Variants in CNBD1 observed in about 807,000 individuals in gnomAD.
CNBD1 encodes the protein cyclic nucleotide binding domain containing 1, also known as cyclic nucleotide-binding domain-containing protein 1.
CNBD1 carries 71 observed loss-of-function variants against 54.4 expected under a neutral mutation model. That is an observed-to-expected ratio of 1.30 (90% confidence interval 1.08 to 1.59). The LOEUF (loss-of-function observed/expected upper bound fraction) is 1.59, where lower values mean the gene tolerates loss of function less well. Among genes scored for constraint, CNBD1 ranks in the 40% most tolerant of loss-of-function variants. CNBD1 has a pLI of 0.00. For missense variants in CNBD1, 659 were observed against 518.0 expected (o/e 1.27, Z -2.64); for synonymous variants, 182 against 170.7 (o/e 1.07, Z -0.51).
intron 5 of CNBD1, among the ~76,000 whole-genome samples, chr8:87,221,610 A>G (rs896504491): frequency 6.6e-6 from 1 of 152,052 alleles, no homozygotes; most frequent in Admixed American, 6.6e-5. Flanking sequence ...CCAGACCTTC[A>G]TATCATTTTA....
chr8:87,090,336 T>G (rs1339226963), intron 4 of CNBD1, among the ~76,000 whole-genome samples: 1 of 152,170 alleles, frequency 6.6e-6, no homozygotes, highest in African/African-American at 2.4e-5. Context: ...AAAAATAACC[T>G]TCTAAGTTAA....
chr8:86,922,114 A>C (rs1809284164), intron 3 of CNBD1, among the ~76,000 whole-genome samples: 1 of 152,192 alleles, frequency 6.6e-6, no homozygotes, highest in Non-Finnish European at 1.5e-5. Flanking sequence ...TATCTGAGGC[A>C]AAAAGAACCA....
intron 4 of CNBD1, among the ~76,000 whole-genome samples, chr8:86,949,524 T>G (rs759638121): frequency 6.6e-6 from 1 of 152,198 alleles, no homozygotes; most frequent in Non-Finnish European, 1.5e-5. Context: ...GGGATTACTT[T>G]TTTGATTTGT....
Position 87,073,962 on chromosome 8 carries a change from C to A in CNBD1, c.432-132031C>A, listed in dbSNP as rs192726064. 6.9e-3 allele frequency among the ~76,000 whole-genome samples: 1,050 copies of A among 151,992 alleles called. 14 individuals are homozygous for A. The highest frequency in any genetic ancestry group is 0.012 in the Non-Finnish European group (841 of 67,958). ...TAAAAACACAAAAAAATTAGCCAGGCGTGGTGGTGGGCGCCGTAGTCCCAG... is the reference window on the plus strand; with the variant it reads ...TAAAAACACAAAAAAATTAGCCAGGAGTGGTGGTGGGCGCCGTAGTCCCAG... On this transcript the variant is annotated intron_variant, in intron 4 of 10. Coordinates refer to ENST00000518476, the MANE Select transcript of CNBD1 (RefSeq NM_173538.3).
chr8:87,319,092 A>G (rs1363688631), intron 8 of CNBD1, among the ~76,000 whole-genome samples: 1 of 152,096 alleles, frequency 6.6e-6, no homozygotes, highest in Admixed American at 6.6e-5. Context: ...TAAATCAAGG[A>G]AGGAGAGGAT....
At chr8:87,049,761 G>T (rs1203228327) in intron 4 of CNBD1, among the ~76,000 whole-genome samples, 1 of 152,196 alleles carries the variant, frequency 6.6e-6, no homozygotes, top group African/African-American at 2.4e-5. Flanking sequence ...ATTTGAGGAG[G>T]TGATTGTTTG....
At chr8:87,268,226 T>C (rs1323686865) in intron 6 of CNBD1, among the ~76,000 whole-genome samples, 1 of 152,160 alleles carries the variant, frequency 6.6e-6, no homozygotes, top group Non-Finnish European at 1.5e-5. Flanking sequence ...GTTTCTTCAT[T>C]AATTTACTTA....
intron 5 of CNBD1, among the ~76,000 whole-genome samples, chr8:87,224,426 G>T (rs1349503628): frequency 6.6e-6 from 1 of 151,596 alleles, no homozygotes; most frequent in African/African-American, 2.4e-5. Context: ...TGTATAAGGC[G>T]TAAGGAAGGG....
intron 4 of CNBD1, among the ~76,000 whole-genome samples, chr8:87,156,001 C>T (rs181125194): frequency 1.9e-3 from 282 of 151,934 alleles, no homozygotes; most frequent in Middle Eastern, 3.4e-3. Flanking sequence ...GGAAAACAGA[C>T]GGACTAGAAA....
intron 10 of CNBD1, among the ~76,000 whole-genome samples, chr8:87,379,557 T>A (rs1260371669): frequency 6.6e-6 from 1 of 151,818 alleles, no homozygotes; most frequent in Non-Finnish European, 1.5e-5. Context: ...TTAAAAAAAA[T>A]CCATGAGAAA....
intron 5 of CNBD1, among the ~76,000 whole-genome samples, chr8:87,211,367 T>A (rs1387399933): frequency 2.0e-5 from 3 of 152,152 alleles, no homozygotes; most frequent in African/African-American, 4.8e-5. Flanking sequence ...TTTTGGGGAC[T>A]GTTGAGATGG....
chr8:87,323,542 G>T (rs1008906311), intron 8 of CNBD1, among the ~76,000 whole-genome samples: 1 of 120,026 alleles, frequency 8.3e-6, no homozygotes, highest in Non-Finnish European at 1.8e-5. Flanking sequence ...GGATTCCTAG[G>T]TATTTTATTC....
intron 4 of CNBD1, among the ~76,000 whole-genome samples, chr8:87,047,836 A>G (rs1308902356): frequency 5.3e-5 from 8 of 152,334 alleles, no homozygotes; most frequent in Non-Finnish European, 8.8e-5. Context: ...AGAAGCTGCA[A>G]TACCTGACAG....
chr8:87,388,479 G>A (rs532484645), intron 2 of CNBD1, among the ~76,000 whole-genome samples: 18 of 152,140 alleles, frequency 1.2e-4, no homozygotes, highest in Admixed American at 2.6e-4. Context: ...ACACCTCTAC[G>A]CAAATAAACT....
At chr8:87,376,477 G>C (rs574874996) in intron 10 of CNBD1, among the ~76,000 whole-genome samples, 1 of 151,976 alleles carries the variant, frequency 6.6e-6, no homozygotes. Context: ...TAACCATTTA[G>C]CCCATGACAC....
At chr8:86,878,901 T>C (rs1451681317) in intron 1 of CNBD1, among the ~76,000 whole-genome samples, 3 of 152,230 alleles carry the variant, frequency 2.0e-5, no homozygotes, top group African/African-American at 7.2e-5. Context: ...GGCTTCTTCC[T>C]CTAACTTTTA....
intron 6 of CNBD1, among the ~76,000 whole-genome samples, chr8:87,279,206 A>G (rs1178069947): frequency 6.6e-6 from 1 of 151,412 alleles, no homozygotes; most frequent in Non-Finnish European, 1.5e-5. Flanking sequence ...GGACACTGTA[A>G]TTTAGGGTAC....
chr8:87,305,535 A>C (rs951224638), intron 8 of CNBD1, among the ~76,000 whole-genome samples: 1 of 152,208 alleles, frequency 6.6e-6, no homozygotes, highest in Non-Finnish European at 1.5e-5. Flanking sequence ...CCAAAACAGC[A>C]TGGGATTGGT....
chr8:87,360,698 T>C (rs912693339), intron 10 of CNBD1, among the ~76,000 whole-genome samples: 3 of 151,984 alleles, frequency 2.0e-5, no homozygotes, highest in African/African-American at 7.2e-5. Flanking sequence ...ACTGATGTTT[T>C]TTATTATATC....
Sources: allele counts gnomAD v4.1 joint callset (sites outside exome capture counted in the v4.1 genomes callset), GRCh38; gene constraint gnomAD v4.1.1; transcripts MANE v1.5; gene names NCBI Gene and HGNC (gene_info 2026-07-23, HGNC 2026-07-21).